The following TTC39C variants were observed in gnomAD, a reference collection of about 807,000 sequenced individuals.
The protein encoded by TTC39C is tetratricopeptide repeat protein 39C.
In TTC39C, 33 loss-of-function variants were observed where a neutral mutation model predicts 76.3. That is an observed-to-expected ratio of 0.43 (90% CI 0.33 to 0.58). TTC39C has a LOEUF of 0.58. Ranked by LOEUF, TTC39C falls within the 20% of genes least tolerant of loss-of-function variation. TTC39C has a pLI of 0.04. For missense variants in TTC39C, 595 were observed against 701.4 expected (o/e 0.85, Z 1.71); for synonymous variants, 254 against 260.6 (o/e 0.97, Z 0.24).
rs1343573107 is a variant in TTC39C at position 24,092,098 on chromosome 18, A to AT, written c.984+9017_984+9018insT. ...ACAGAGTGAGACTCAGTCTCAAAAA[A>AT]AAAAAAAAAAAAAAAAAAAAAAAAA... On this transcript the variant is annotated intron_variant, in intron 6 of 13. Transcript: ENST00000317571. Among the ~76,000 whole-genome samples the AT allele has an allele frequency of 4.3e-3, 353 of 81,792 alleles. 12 individuals carry two copies. The highest frequency in any genetic ancestry group is 0.013 in the African/African-American group (327 of 24,878). 53.7% of individuals were successfully genotyped at this position (81,792 alleles called of 152,430 possible).
chr18:24,015,709 TAAAGG>T (rs1002387120), intron 1 of TTC39C, among the ~76,000 whole-genome samples: 2 of 152,120 alleles, frequency 1.3e-5, no homozygotes, highest in Admixed American at 6.5e-5. Context: ...CCAACGTAAA[TAAAGG>T]AAGGAAGAAA....
chr18:24,097,656 T>C (rs954577267), intron 6 of TTC39C, among the ~76,000 whole-genome samples: 1 of 152,018 alleles, frequency 6.6e-6, no homozygotes, highest in African/African-American at 2.4e-5. Context: ...TCTGCCACCA[T>C]GGGCTTCATC....
chr18:24,093,374 G>A lies in TTC39C; in HGVS notation c.984+10293G>A, dbSNP rs572465865. On this transcript the variant is annotated intron_variant, in intron 6 of 13. Coordinates refer to ENST00000317571, the MANE Select transcript of TTC39C (RefSeq NM_001135993.2). Reference sequence around the variant, plus strand: ...GGCGCCTGTAGTCCCAGCTACTTGGGAGGCTGAGGCAGGAGAATGGCGTGA... The same window carrying A: ...GGCGCCTGTAGTCCCAGCTACTTGGAAGGCTGAGGCAGGAGAATGGCGTGA... Among the ~76,000 whole-genome samples the A allele has an allele frequency of 9.7e-4, 147 of 152,002 alleles. No homozygotes were observed. The Middle Eastern group carries it at 0.017, about 18-fold the overall frequency.
intron 4 of TTC39C, among the ~76,000 whole-genome samples, chr18:24,074,555 C>T (rs1421628143): frequency 1.3e-5 from 2 of 152,136 alleles, no homozygotes; most frequent in Non-Finnish European, 2.9e-5. Context: ...AAAAAATGCT[C>T]ATCATCACCG....
intron 6 of TTC39C, among the ~76,000 whole-genome samples, chr18:24,093,969 A>G (rs1201756201): frequency 6.6e-6 from 1 of 151,756 alleles, no homozygotes; most frequent in Non-Finnish European, 1.5e-5. Flanking sequence ...CCGCCGATTG[A>G]CTCTTCCTTT....
At chr18:24,109,176 C>CAAAAAAAAAAAAAAA (rs35872928) in intron 6 of TTC39C, among the ~76,000 whole-genome samples, 9 of 73,876 alleles carry the variant, frequency 1.2e-4, no homozygotes, top group African/African-American at 4.2e-4. Flanking sequence ...CCCGTCTCTA[C>CAAAAAAAAAAAAAAA]AAAAAAAAAA....
chr18:24,032,733 T>C (rs2083685865), intron 1 of TTC39C, among the ~76,000 whole-genome samples: 1 of 152,208 alleles, frequency 6.6e-6, no homozygotes. Flanking sequence ...GCATTTTGGG[T>C]TTCAGATTTG....
chr18:24,133,297 A>C lies in TTC39C; in HGVS notation c.*723A>C, dbSNP rs973747974. 1 of 152,256 alleles carries C rather than the reference A, an allele frequency of 6.6e-6. No homozygotes were observed. Among genetic ancestry groups the C allele is most frequent in the African/African-American group, 2.4e-5 (1 of 41,474 alleles). 9.4% of individuals were successfully genotyped at this position (152,256 alleles called of 1,614,324 possible). On this transcript the variant is annotated 3_prime_UTR_variant, in exon 14 of 14. Coordinates refer to ENST00000317571, the MANE Select transcript of TTC39C (RefSeq NM_001135993.2). ...TGAAGTTATGTCACCAGAAATAGTC[A>C]TCTCCAGATTGTCTACAGAATGTTT...
At chr18:24,132,111 G>A (rs544423866) in intron 13 of TTC39C, among the ~76,000 whole-genome samples, 191 bp downstream of exon 13, 4 of 152,190 alleles carry the variant, frequency 2.6e-5, no homozygotes, top group African/African-American at 4.8e-5. Flanking sequence ...AAGGAACTTC[G>A]ATGAAATTGT....
intron 7 of TTC39C, among the ~76,000 whole-genome samples, chr18:24,115,481 G>T (rs374078035): frequency 6.6e-6 from 1 of 152,230 alleles, no homozygotes; most frequent in African/African-American, 2.4e-5. Flanking sequence ...GTCACACCAT[G>T]TAGCACATAA....
chr18:24,104,659 C>T (rs2084721753), intron 6 of TTC39C, among the ~76,000 whole-genome samples: 1 of 150,738 alleles, frequency 6.6e-6, no homozygotes, highest in Admixed American at 6.6e-5. Context: ...ATGCCTAGAC[C>T]AGTGCCCAGC....
chr18:24,045,918 TATATATATA>T (rs1473525891), intron 1 of TTC39C, among the ~76,000 whole-genome samples: 39 of 33,454 alleles, frequency 1.2e-3, no homozygotes, highest in East Asian at 6.5e-3. Context: ...TATATATATA[TATATATATA>T]TTTTTTTTTT....
chr18:24,111,649 C>A (rs2084812204), intron 6 of TTC39C, among the ~76,000 whole-genome samples: 2 of 150,792 alleles, frequency 1.3e-5, no homozygotes, highest in African/African-American at 2.4e-5. Flanking sequence ...AATCCCGGGA[C>A]TTTGGGAAGC....
At chr18:24,107,223 G>A (rs1441801129) in intron 6 of TTC39C, among the ~76,000 whole-genome samples, 1 of 152,092 alleles carries the variant, frequency 6.6e-6, no homozygotes, top group Non-Finnish European at 1.5e-5. Context: ...TTAATCTCAT[G>A]TCTAGTTAGC....
intron 4 of TTC39C, among the ~76,000 whole-genome samples, chr18:24,075,494 G>A (rs2084292982): frequency 6.6e-6 from 1 of 151,748 alleles, no homozygotes. Flanking sequence ...GACCAGCCTG[G>A]GCAACATGGC....
At chr18:24,059,222 A>C (rs570621066) in intron 1 of TTC39C, among the ~76,000 whole-genome samples, 22 of 152,108 alleles carry the variant, frequency 1.4e-4, no homozygotes, top group Non-Finnish European at 3.1e-4. Context: ...ATTTTTTAAA[A>C]AACTTTTAAG....
intron 1 of TTC39C, among the ~76,000 whole-genome samples, chr18:24,060,339 A>G (rs1359616125): frequency 4.0e-5 from 4 of 100,326 alleles, no homozygotes; most frequent in Middle Eastern, 0.02. Flanking sequence ...TTTTTTTGAG[A>G]CGTAGTCTCT....
intron 1 of TTC39C, chr18:24,016,681 T>A: frequency 2.5e-6 from 1 of 398,594 alleles, no homozygotes; most frequent in Non-Finnish European, 4.4e-6. Context: ...ATATGAGTGG[T>A]TGGAAAACTC....
intron 6 of TTC39C, among the ~76,000 whole-genome samples, chr18:24,087,158 A>G (rs1412724509): frequency 6.6e-6 from 1 of 152,128 alleles, no homozygotes; most frequent in East Asian, 1.9e-4. Context: ...GAATTTCTGT[A>G]TTTTCCATTA....
Sources: allele counts gnomAD v4.1 joint callset (sites outside exome capture counted in the v4.1 genomes callset), GRCh38; gene constraint gnomAD v4.1.1; transcripts MANE v1.5; gene names NCBI Gene and HGNC (gene_info 2026-07-23, HGNC 2026-07-21).